The following PHACTR1 variants were observed in gnomAD, a reference collection of about 807,000 sequenced individuals.
PHACTR1 encodes the protein phosphatase and actin regulator 1.
In PHACTR1, 16 loss-of-function variants were observed where a neutral mutation model predicts 69.2. The ratio of observed to expected loss-of-function variants is 0.23; its 90% confidence interval spans 0.16 to 0.35. PHACTR1 has a LOEUF of 0.35. PHACTR1 is among the 10% of genes least tolerant of loss of function. The pLI is 1.00. For missense variants in PHACTR1, 510 were observed against 734.7 expected (o/e 0.69, Z 3.54); for synonymous variants, 312 against 284.5 (o/e 1.10, Z -0.97).
intron 6 of PHACTR1, among the ~76,000 whole-genome samples, chr6:13,166,132 C>T (rs1409694794): frequency 6.6e-6 from 1 of 152,218 alleles, no homozygotes; most frequent in Non-Finnish European, 1.5e-5. Context: ...AGCCTCTTCC[C>T]CCAGATATCC....
chr6:12,884,836 TACAC>T (rs969607679), intron 4 of PHACTR1, among the ~76,000 whole-genome samples: 2 of 151,976 alleles, frequency 1.3e-5, no homozygotes, highest in Non-Finnish European at 2.9e-5. Flanking sequence ...CACAAACACA[TACAC>T]ACACACAAAT....
At chr6:12,838,547 A>G (rs1433029123) in intron 4 of PHACTR1, among the ~76,000 whole-genome samples, 1 of 152,246 alleles carries the variant, frequency 6.6e-6, no homozygotes, top group Non-Finnish European at 1.5e-5. Flanking sequence ...GTAGTTTATA[A>G]CAAGTTAAGT....
intron 4 of PHACTR1, among the ~76,000 whole-genome samples, chr6:12,937,163 G>A (rs1789548426): frequency 6.6e-6 from 1 of 152,002 alleles, no homozygotes; most frequent in Non-Finnish European, 1.5e-5. Context: ...TTTCTGCCCA[G>A]CCACCTTTCT....
intron 4 of PHACTR1, among the ~76,000 whole-genome samples, chr6:12,788,795 C>A (rs772627132): frequency 1.3e-5 from 2 of 152,028 alleles, no homozygotes; most frequent in Non-Finnish European, 2.9e-5. Flanking sequence ...AGATAAGATA[C>A]GTAAGAGAAC....
chr6:12,749,568 G>A (rs763511531), intron 3 of PHACTR1, 76 bp from the exon 4 acceptor site: 3 of 242,708 alleles, frequency 1.2e-5, no homozygotes, highest in Non-Finnish European at 2.2e-5. Context: ...CCCCTCCCCC[G>A]TGCGCGAGCC....
intron 4 of PHACTR1, among the ~76,000 whole-genome samples, chr6:13,001,445 A>G (rs58091519): frequency 6.2e-4 from 94 of 152,320 alleles, no homozygotes; most frequent in African/African-American, 2.2e-3. Flanking sequence ...TGGTTTTCAC[A>G]CGAGGACAGT....
rs1453909734 is a variant in PHACTR1, at chr6:12,717,602, T to C, written c.-188T>C. ...CTGATAAAGGAAGTCCAGTGGACTG[T>C]ATGCATTATTCATCACTGTTCTAAT... On this transcript the variant is annotated 5_prime_UTR_variant, in exon 2 of 15. Transcript: ENST00000332995. 6.6e-6 allele frequency: 1 copy of C among 152,226 alleles called. No individual in the cohort carries two copies. The highest frequency in any genetic ancestry group is 2.4e-5 in the African/African-American group (1 of 41,470). The allele number at this position is 152,226 out of a possible 1,614,324, so 9.4% of individuals were successfully genotyped here.
intron 4 of PHACTR1, among the ~76,000 whole-genome samples, chr6:12,930,548 A>G (rs1788755928): frequency 6.6e-6 from 1 of 152,166 alleles, no homozygotes; most frequent in African/African-American, 2.4e-5. Flanking sequence ...AAGTCATCGC[A>G]TCTTATCCTA....
In PHACTR1 at chr6:12,968,166, T is replaced by C. The variant is rs80009299; in HGVS notation, c.251-85199T>C. Among the ~76,000 whole-genome samples the C allele has an allele frequency of 5.3e-3, 814 of 152,306 alleles. 8 individuals carry two copies. Among genetic ancestry groups the C allele is most frequent in the African/African-American group, 0.019 (770 of 41,564 alleles). ...TTCCACTCAAACTCATTGCCCTTCA[T>C]GGAATCGCATGCCCGCTTCCCCCCA... On this transcript the variant is annotated intron_variant, in intron 4 of 14. Transcript: ENST00000332995.
chr6:12,726,783 C>T (rs980729849), intron 3 of PHACTR1, among the ~76,000 whole-genome samples: 3 of 152,294 alleles, frequency 2.0e-5, no homozygotes, highest in East Asian at 1.9e-4. Flanking sequence ...CATCTGGACA[C>T]GATTAAACAA....
chr6:13,177,381 C>CTATATA (rs144616334), intron 6 of PHACTR1, among the ~76,000 whole-genome samples: 4 of 147,794 alleles, frequency 2.7e-5, no homozygotes, highest in African/African-American at 1.0e-4. Context: ...CTCTCTCTCT[C>CTATATA]TATATATATA....
At chr6:13,125,885 G>A (rs3852218) in intron 5 of PHACTR1, among the ~76,000 whole-genome samples, 11,867 of 151,744 alleles carry the variant, frequency 0.078, 1,539 homozygotes, top group African/African-American at 0.27. Context: ...AGCCATGATC[G>A]TACCACTACG....
chr6:13,202,771 C>T (rs2113856531), intron 7 of PHACTR1, among the ~76,000 whole-genome samples: 1 of 152,344 alleles, frequency 6.6e-6, no homozygotes, highest in South Asian at 2.1e-4. Context: ...GCCACCGCGC[C>T]CGCCTGCACT....
intron 5 of PHACTR1, among the ~76,000 whole-genome samples, chr6:13,142,260 A>C (rs1010803916): frequency 1.3e-5 from 2 of 152,098 alleles, no homozygotes; most frequent in African/African-American, 4.8e-5. Context: ...GCGCCACCAC[A>C]CCTGGCTAAT....
intron 5 of PHACTR1, among the ~76,000 whole-genome samples, chr6:13,156,252 T>C (rs1758154644): frequency 6.6e-6 from 1 of 152,218 alleles, no homozygotes; most frequent in Non-Finnish European, 1.5e-5. Context: ...AAATAATCTG[T>C]GCATTCGCTG....
intron 7 of PHACTR1, among the ~76,000 whole-genome samples, chr6:13,186,290 C>T (rs958614601): frequency 6.6e-6 from 1 of 152,168 alleles, no homozygotes; most frequent in African/African-American, 2.4e-5. Context: ...TGTTGCTGTA[C>T]GTATTGTTTT....
intron 8 of PHACTR1, among the ~76,000 whole-genome samples, chr6:13,223,668 T>C (rs1046303002): frequency 6.6e-6 from 1 of 152,170 alleles, no homozygotes; most frequent in Non-Finnish European, 1.5e-5. Context: ...AGGTTCAAAT[T>C]TCAAGCCCTT....
intron 4 of PHACTR1, among the ~76,000 whole-genome samples, chr6:12,929,354 C>T (rs1385773842): frequency 2.0e-5 from 3 of 152,084 alleles, no homozygotes; most frequent in Non-Finnish European, 2.9e-5. Context: ...CACGTTCACC[C>T]GAATCTCTGT....
intron 4 of PHACTR1, among the ~76,000 whole-genome samples, chr6:12,963,865 C>T (rs188294715): frequency 5.9e-5 from 9 of 152,258 alleles, no homozygotes; most frequent in Non-Finnish European, 1.2e-4. Flanking sequence ...TATGTTGGCA[C>T]CTGTATTATT....
Sources: gnomAD v4.1 joint callset for allele counts (sites outside exome capture counted in the v4.1 genomes callset) on GRCh38, gnomAD v4.1.1 for gene constraint, MANE v1.5 for transcripts, NCBI Gene and HGNC (gene_info 2026-07-23, HGNC 2026-07-21) for gene names.